Variants in GATAD1 observed in about 807,000 individuals in gnomAD.
GATAD1 encodes GATA zinc finger domain-containing protein 1.
A neutral mutation model predicts 26.5 loss-of-function variants in GATAD1; 12 were observed. The ratio of observed to expected loss-of-function variants is 0.45; its 90% CI spans 0.29 to 0.73. GATAD1 has a LOEUF of 0.73. Among genes scored for constraint, GATAD1 ranks in the 30% least tolerant of loss-of-function variants. The pLI, the probability that GATAD1 is intolerant of heterozygous loss-of-function variation, is 0.10. For missense variants in GATAD1, 266 were observed against 342.1 expected (o/e 0.78, Z 1.75); for synonymous variants, 129 against 133.1 (o/e 0.97, Z 0.21).
chr7:92,493,190 T>G, the GATAD1 span: 44 of 949,508 alleles, frequency 4.6e-5, no homozygotes, highest in African/African-American at 5.9e-4. Flanking sequence ...TATCTTAAAT[T>G]GTGTATCTTA....
chr7:92,451,235 A>G (rs962844364), intron 3 of GATAD1, among the ~76,000 whole-genome samples: 1 of 152,228 alleles, frequency 6.6e-6, no homozygotes, highest in African/African-American at 2.4e-5. Flanking sequence ...AACACCTACT[A>G]GAAATTCATA....
At chr7:92,456,326 T>C (rs1789668972) in intron 4 of GATAD1, 46 bp from the exon 5 acceptor site, 4 of 1,288,370 alleles carry the variant, frequency 3.1e-6, no homozygotes, top group South Asian at 1.4e-5. Flanking sequence ...GAAAATGATA[T>C]ATATGGTCAA....
chr7:92,487,505 ATT>A, the GATAD1 span: 1 of 1,594,680 alleles, frequency 6.3e-7, no homozygotes, highest in Non-Finnish European at 8.6e-7. Context: ...TTCCACTTTG[ATT>A]TTTTCTCCTC....
At position 92,454,228 on chromosome 7, in the gene GATAD1, T is replaced by C. The variant is rs1035213047; in HGVS notation, c.436-274T>C. On this transcript the variant is annotated intron_variant, in intron 3 of 4. Transcript: ENST00000287957. ...TCTATTTTTTAAAAAGTGGGGATGG[T>C]ATTACGGCAATATAAAATCAAAATA... 80 of 362,604 alleles carry C rather than the reference T, an allele frequency of 2.2e-4. 2 individuals are homozygous for C. The highest frequency in any genetic ancestry group is 2.3e-4 in the Non-Finnish European group (47 of 202,054). The allele number at this position is 362,604 out of a possible 1,614,324, so 22.5% of individuals were successfully genotyped here.
At chr7:92,491,909 ATGGCT>A in the GATAD1 span, among the ~76,000 whole-genome samples, 1 of 152,186 alleles carries the variant, frequency 6.6e-6, no homozygotes, top group East Asian at 1.9e-4. Flanking sequence ...AAGAACTTCA[ATGGCT>A]TGCCAAAATA....
intron 3 of GATAD1, 140 bp downstream of exon 3, chr7:92,450,900 T>C: frequency 1.7e-6 from 1 of 573,474 alleles, no homozygotes. Flanking sequence ...TTCTTAGCTG[T>C]TTTCCCCCAT....
At chr7:92,483,690 C>T in the GATAD1 span, among the ~76,000 whole-genome samples, 1 of 152,220 alleles carries the variant, frequency 6.6e-6, no homozygotes, top group Non-Finnish European at 1.5e-5. Flanking sequence ...GAGCATTAAC[C>T]TTGACTATGC....
In GATAD1 at chr7:92,456,506, C is replaced by T. The variant is rs375621373; in HGVS notation, c.754C>T (p.His252Tyr). Residue 252 changes from histidine (H) to tyrosine (Y), a missense_variant, in exon 5 of 5, where the codon CAT becomes TAT. Physicochemically the swap from His to Tyr is moderately conservative, Grantham distance 83 (BLOSUM62 2). Transcript: ENST00000287957. ...ACCAGAGAAGGGCTACATATGGACT[C>T]ATGTTGGGCCTACTCCTGCAATAAC... ...TRPEKGYIWTHVGPTPAITIK... is the reference protein window; with the variant it reads ...TRPEKGYIWTYVGPTPAITIK... The T allele has an allele frequency of 3.1e-6, 5 of 1,612,932 alleles. No homozygotes were observed. Among genetic ancestry groups the T allele is most frequent in the Non-Finnish European group, 4.2e-6 (5 of 1,179,180 alleles).
chr7:92,482,944 G>A, the GATAD1 span, among the ~76,000 whole-genome samples: 1,215 of 152,254 alleles, frequency 8.0e-3, 20 homozygotes, highest in African/African-American at 0.028. Context: ...GGTAGCCCCT[G>A]TATCGATTAA....
In GATAD1 at chr7:92,457,139, A is replaced by C. The variant is rs1356683568; in HGVS notation, c.*577A>C. 2 of 142,370 alleles carry C rather than the reference A, an allele frequency of 1.4e-5. No homozygotes were observed. Among genetic ancestry groups the C allele is most frequent in the African/African-American group, 2.7e-5 (1 of 37,552 alleles). 8.8% of individuals were successfully genotyped at this position (142,370 alleles called of 1,614,324 possible). A position where few individuals can be genotyped will look rare whatever the true frequency, so the allele number is the denominator to read the frequency against. On this transcript the variant is annotated 3_prime_UTR_variant, in exon 5 of 5. Transcript: ENST00000287957. ...GCACCGCTGTGCTCCAGCCTGGGCA[A>C]CAGAGTGAGACTCTTGTCTCGGAAA... is the stretch of plus-strand genomic sequence containing the variant.
At chr7:92,464,495 A>G (rs541316834), downstream of GATAD1, among the ~76,000 whole-genome samples, 2 of 152,324 alleles carry the variant, frequency 1.3e-5, no homozygotes, top group East Asian at 1.9e-4. Flanking sequence ...CTCTGAGGTC[A>G]TGTCCAAACT....
the GATAD1 span, chr7:92,492,850 A>G: frequency 2.3e-6 from 2 of 882,962 alleles, no homozygotes; most frequent in Non-Finnish European, 1.9e-6. Context: ...ATACAGTTTT[A>G]CCAAAGTTGT....
At chr7:92,451,312 A>G (rs1302330276) in intron 3 of GATAD1, among the ~76,000 whole-genome samples, 1 of 152,250 alleles carries the variant, frequency 6.6e-6, no homozygotes, top group Admixed American at 6.5e-5. Context: ...GCCAAAGTCC[A>G]TGAACATCTG....
chr7:92,477,318 T>C, the GATAD1 span: 1 of 152,264 alleles, frequency 6.6e-6, no homozygotes, highest in African/African-American at 2.4e-5. Flanking sequence ...TGCCCGGTAT[T>C]TTCCTCCAAT....
In GATAD1 at chr7:92,448,787, C is replaced by T. The variant is rs371500622; in HGVS notation, c.285C>T (p.Leu95=). The change falls in exon 2 of 5, where the codon CTC becomes CTT. Residue 95 remains leucine, a synonymous_variant. Coordinates refer to ENST00000287957, the MANE Select transcript of GATAD1 (RefSeq NM_021167.5). The part of the protein sequence containing the change: ...KQEIHRRSAR[L]RNTKYKSAPA... ...AAATTCACAGGAGGTCTGCTCGGCT[C>T]AGAAACACTAAATACAAATCTGCTC... The T allele has an allele frequency of 1.7e-5, 27 of 1,611,096 alleles. No individual in the cohort carries two copies. Among genetic ancestry groups the T allele is most frequent in the Non-Finnish European group, 2.1e-5 (25 of 1,177,318 alleles).
At position 92,458,001 on chromosome 7, in the gene GATAD1, A is replaced by T. The variant is rs1317525404; in HGVS notation, c.*1439A>T. 6.6e-6 allele frequency: 1 copy of T among 152,000 alleles called. No individual in the cohort carries two copies. The highest frequency in any genetic ancestry group is 6.6e-5 in the Admixed American group (1 of 15,256). 9.4% of individuals were successfully genotyped at this position (152,000 alleles called of 1,614,324 possible). Reference sequence around the variant, plus strand: ...AATATACAAAAATTAGTTGGGTGTTATGGTGCATGCCTGTAATCCCAGCTA... The same window carrying T: ...AATATACAAAAATTAGTTGGGTGTTTTGGTGCATGCCTGTAATCCCAGCTA... On this transcript the variant is annotated 3_prime_UTR_variant, in exon 5 of 5. Transcript: ENST00000287957.
chr7:92,448,804 A>G lies in GATAD1; in HGVS notation c.302A>G (p.Lys101Arg). Reference protein sequence around the residue: ...RSARLRNTKYKSAPAAEKKVS... With the variant: ...RSARLRNTKYRSAPAAEKKVS... ...GCTCGGCTCAGAAACACTAAATACA[A>G]ATCTGCTCCGGCTGCTGAAAAGAAA... Residue 101 changes from lysine (K) to arginine (R), a missense_variant, in exon 2 of 5, where the codon AAA becomes AGA. Lys to Arg is a conservative substitution (Grantham distance 26). Coordinates refer to ENST00000287957, the MANE Select transcript of GATAD1 (RefSeq NM_021167.5). 6.2e-7 allele frequency: 1 copy of G among 1,610,702 alleles called. No individual in the cohort carries two copies. The highest frequency in any genetic ancestry group is 8.5e-7 in the Non-Finnish European group (1 of 1,176,780).
At chr7:92,466,222 A>T in the GATAD1 span, among the ~76,000 whole-genome samples, 1 of 152,028 alleles carries the variant, frequency 6.6e-6, no homozygotes, top group East Asian at 1.9e-4. Context: ...GCTGGAGTGC[A>T]CTGTTGTGAT....
At position 92,447,575 on chromosome 7, in the gene GATAD1, G is replaced by A; in HGVS notation, c.-155G>A. 1.9e-6 allele frequency: 2 copies of A among 1,026,612 alleles called. No individual in the cohort carries two copies. Among genetic ancestry groups the A allele is most frequent in the Non-Finnish European group, 2.5e-6 (2 of 785,842 alleles). The allele number at this position is 1,026,612 out of a possible 1,614,324, so 63.6% of individuals were successfully genotyped here. A position where few individuals can be genotyped will look rare whatever the true frequency, so the allele number is the denominator to read the frequency against. On this transcript the variant is annotated 5_prime_UTR_variant, in exon 1 of 5. Coordinates refer to ENST00000287957, the MANE Select transcript of GATAD1 (RefSeq NM_021167.5). ...ACCCGCTTCCCGCCTCCACGGGGCA[G>A]CGCCAGCGGCCTGGTCCTTTCACCG...
Sources: allele counts gnomAD v4.1 joint callset (sites outside exome capture counted in the v4.1 genomes callset), GRCh38; gene constraint gnomAD v4.1.1; transcripts MANE v1.5; gene names NCBI Gene and HGNC (gene_info 2026-07-23, HGNC 2026-07-21).